ACTL6A: variants seen among roughly 807,000 people sequenced by gnomAD.
ACTL6A encodes actin-like protein 6A.
Under a neutral mutation model 59.2 loss-of-function variants are expected in ACTL6A, and 5 were observed. The ratio of observed to expected loss-of-function variants is 0.08; its 90% CI spans 0.04 to 0.18. The LOEUF (loss-of-function observed/expected upper bound fraction) is 0.18. Ranked by LOEUF, ACTL6A falls within the 10% of genes least tolerant of loss-of-function variation. ACTL6A has a pLI of 1.00. For missense variants in ACTL6A, 285 were observed against 526.9 expected (o/e 0.54, Z 4.49); for synonymous variants, 154 against 171.8 (o/e 0.90, Z 0.81).
intron 13 of ACTL6A, 124 bp from the exon 14 acceptor site, chr3:179,587,805 CA>C (rs1718552785): frequency 1.5e-6 from 1 of 672,294 alleles, no homozygotes; most frequent in Non-Finnish European, 2.5e-6. Flanking sequence ...TTGTAAGCTA[CA>C]ATCACGCCAT....
In ACTL6A at chr3:179,563,519, C is replaced by G. The variant is rs373192063; in HGVS notation, c.25+402C>G. On this transcript the variant is annotated intron_variant, in intron 1 of 13. Transcript: ENST00000429709. Reference sequence around the variant, plus strand: ...CAGCTGTGTCGGGACGCGTGTGCGCCCGCCTAAACTTGGAAGGTCCCGGCG... The same window carrying G: ...CAGCTGTGTCGGGACGCGTGTGCGCGCGCCTAAACTTGGAAGGTCCCGGCG... 1.2e-3 allele frequency among the ~76,000 whole-genome samples: 185 copies of G among 152,348 alleles called. 1 individual carries two copies. Among genetic ancestry groups the G allele is most frequent in the African/African-American group, 3.7e-3 (155 of 41,578 alleles).
intron 1 of ACTL6A, among the ~76,000 whole-genome samples, chr3:179,566,212 A>G (rs1717829633): frequency 6.6e-6 from 1 of 152,158 alleles, no homozygotes; most frequent in African/African-American, 2.4e-5. Context: ...AGTTCAGGAT[A>G]TGGATGTAGA....
In ACTL6A at chr3:179,563,073, G is replaced by A. The variant is rs760650977; in HGVS notation, c.-20G>A. 3.7e-6 allele frequency: 6 copies of A among 1,611,116 alleles called. No homozygotes were observed. The highest frequency in any genetic ancestry group is 2.2e-5 in the East Asian group (1 of 44,826). ...CTTCGCCAGTTAGCCCTTAGGGTAGGAGTCGCGCCGGCAGCAGCCATGAGC... is the reference window on the plus strand; with the variant it reads ...CTTCGCCAGTTAGCCCTTAGGGTAGAAGTCGCGCCGGCAGCAGCCATGAGC... On this transcript the variant is annotated 5_prime_UTR_variant, in exon 1 of 14. Coordinates refer to ENST00000429709, the MANE Select transcript of ACTL6A (RefSeq NM_004301.5).
At chr3:179,579,463 C>T (rs920406271) in intron 8 of ACTL6A, among the ~76,000 whole-genome samples, 20 of 148,388 alleles carry the variant, frequency 1.3e-4, no homozygotes, top group South Asian at 2.1e-4. Context: ...TATACACACA[C>T]ACACACACAC....
At chr3:179,565,543 A>G (rs1576847131) in intron 1 of ACTL6A, among the ~76,000 whole-genome samples, 1 of 148,352 alleles carries the variant, frequency 6.7e-6, no homozygotes, top group Non-Finnish European at 1.5e-5. Flanking sequence ...CTCAGAGAAT[A>G]AAGTTATTGA....
intron 8 of ACTL6A, among the ~76,000 whole-genome samples, chr3:179,580,222 T>C (rs1718296353): frequency 1.3e-5 from 2 of 152,244 alleles, no homozygotes; most frequent in Admixed American, 1.3e-4. Context: ...TTAAACTGTT[T>C]TATACTATGT....
intron 1 of ACTL6A, among the ~76,000 whole-genome samples, chr3:179,563,816 C>G (rs1717747582): frequency 1.3e-5 from 2 of 152,078 alleles, no homozygotes; most frequent in African/African-American, 4.8e-5. Context: ...GGGTCCTAGG[C>G]GTGTTATTTT....
intron 1 of ACTL6A, among the ~76,000 whole-genome samples, chr3:179,565,236 A>G (rs1350577656): frequency 6.6e-6 from 1 of 151,796 alleles, no homozygotes; most frequent in African/African-American, 2.4e-5. Context: ...CAGGAGTTCA[A>G]GACCAGCTTG....
At position 179,562,938 on chromosome 3, in the gene ACTL6A, G is replaced by T; in HGVS notation, c.-155G>T. On this transcript the variant is annotated 5_prime_UTR_variant, in exon 1 of 14. Coordinates refer to ENST00000429709, the MANE Select transcript of ACTL6A (RefSeq NM_004301.5). ...AGGAGGAGCCAGCAAGTGTGGCTGAGCTCCGGGGTGTGTGGACGCCGCTTT... is the reference window on the plus strand; with the variant it reads ...AGGAGGAGCCAGCAAGTGTGGCTGATCTCCGGGGTGTGTGGACGCCGCTTT... 1 of 924,620 alleles carries T rather than the reference G, an allele frequency of 1.1e-6. No individual in the cohort carries two copies. Among genetic ancestry groups the T allele is most frequent in the African/African-American group, 1.6e-5 (1 of 61,514 alleles). 57.3% of individuals were successfully genotyped at this position (924,620 alleles called of 1,614,324 possible). A position where few individuals can be genotyped will look rare whatever the true frequency, so the allele number is the denominator to read the frequency against.
chr3:179,574,508 A>G (rs747611981), intron 5 of ACTL6A, 41 bp downstream of exon 5: 1 of 1,308,736 alleles, frequency 7.6e-7, no homozygotes, highest in East Asian at 2.3e-5. Context: ...TGAAGTATGT[A>G]CGATACTAAT....
chr3:179,564,821 G>A (rs1313859663), intron 1 of ACTL6A, among the ~76,000 whole-genome samples: 3 of 151,756 alleles, frequency 2.0e-5, no homozygotes, highest in South Asian at 2.1e-4. Context: ...AATAGACACC[G>A]TATTTCACTG....
chr3:179,576,551 C>G, intron 6 of ACTL6A, 69 bp from the exon 7 acceptor site: 1 of 1,201,414 alleles, frequency 8.3e-7, no homozygotes, highest in Non-Finnish European at 1.2e-6. Flanking sequence ...TAAATACACC[C>G]ACAGAGGAAA....
chr3:179,570,134 A>C lies in ACTL6A; in HGVS notation c.170A>C (p.Asp57Ala). The change falls in exon 3 of 14, where the codon GAT becomes GCT. Residue 57 changes from aspartate to alanine, a missense_variant. By Grantham distance (126) the Asp-to-Ala change is moderately radical. Coordinates refer to ENST00000429709, the MANE Select transcript of ACTL6A (RefSeq NM_004301.5). The surrounding 1 kb of genome is among the most constrained non-coding windows in gnomAD (Gnocchi z 4.3). ...GACGGAAGCACATTAATGGAAATAGATGGCGATAAAGGCAAACAAGGCGGT... is the reference window on the plus strand; with the variant it reads ...GACGGAAGCACATTAATGGAAATAGCTGGCGATAAAGGCAAACAAGGCGGT... ...RDDGSTLMEI[D>A]GDKGKQGGPT... 6.2e-7 allele frequency: 1 copy of C among 1,614,168 alleles called. No individual in the cohort carries two copies. Among genetic ancestry groups the C allele is most frequent in the Non-Finnish European group, 8.5e-7 (1 of 1,180,022 alleles).
At chr3:179,580,848 G>T (rs762269504) in intron 9 of ACTL6A, 46 bp from the exon 10 acceptor site, 12 of 1,505,148 alleles carry the variant, frequency 8.0e-6, no homozygotes, top group South Asian at 2.4e-5. Flanking sequence ...ATTTTGAAGA[G>T]AATTATTTTT....
At chr3:179,566,482 C>G (rs1717837542) in intron 1 of ACTL6A, among the ~76,000 whole-genome samples, 1 of 152,058 alleles carries the variant, frequency 6.6e-6, no homozygotes, top group South Asian at 2.1e-4. Context: ...TGTAGGGCTG[C>G]CATAATAAAG....
chr3:179,576,736 T>C lies in ACTL6A; in HGVS notation c.678+10T>C. The C allele has an allele frequency of 1.9e-6, 3 of 1,610,090 alleles. No homozygotes were observed. Reference sequence around the variant, plus strand: ...TATGATTGCATCAAAAGTAAGTAATTATTGAATTTTCTTTGTAGAACTTAC... The same window carrying C: ...TATGATTGCATCAAAAGTAAGTAATCATTGAATTTTCTTTGTAGAACTTAC... On this transcript the variant is annotated intron_variant, in intron 7 of 13. Coordinates refer to ENST00000429709, the MANE Select transcript of ACTL6A (RefSeq NM_004301.5).
chr3:179,587,329 GAC>G (rs1296531287), intron 13 of ACTL6A, among the ~76,000 whole-genome samples: 1 of 152,044 alleles, frequency 6.6e-6, no homozygotes, highest in African/African-American at 2.4e-5. Context: ...CAAGCCTTCT[GAC>G]AGTTTCTGTT....
Position 179,563,101 on chromosome 3 carries a change from C to T in ACTL6A, c.9C>T (p.Gly3=). 1 of 1,612,492 alleles carries T rather than the reference C, an allele frequency of 6.2e-7. No homozygotes were observed. The highest frequency in any genetic ancestry group is 8.5e-7 in the Non-Finnish European group (1 of 1,179,594). The change falls in exon 1 of 14, where the codon GGC becomes GGT. Residue 3 remains glycine, a synonymous_variant. Transcript: ENST00000429709. The part of the protein sequence containing the change: MS[G]GVYGGDEVGA... Reference sequence around the variant, plus strand: ...TCGCGCCGGCAGCAGCCATGAGCGGCGGCGTGTACGGGGGAGGTGAGTGAG... The same window carrying T: ...TCGCGCCGGCAGCAGCCATGAGCGGTGGCGTGTACGGGGGAGGTGAGTGAG...
At chr3:179,583,963 T>C (rs1038573341) in intron 12 of ACTL6A, among the ~76,000 whole-genome samples, 2 of 152,232 alleles carry the variant, frequency 1.3e-5, no homozygotes, top group African/African-American at 4.8e-5. Context: ...TATGTTCCAG[T>C]AATTCAAAGT....
Sources: gnomAD v4.1 joint callset for allele counts (sites outside exome capture counted in the v4.1 genomes callset) on GRCh38, gnomAD v4.1.1 for gene constraint, Gnocchi (gnomAD v3.1) non-coding constraint, MANE v1.5 for transcripts, NCBI Gene and HGNC (gene_info 2026-07-23, HGNC 2026-07-21) for gene names.